PIK3R1: variants seen among roughly 807,000 people sequenced by gnomAD.
PIK3R1 encodes phosphatidylinositol 3-kinase regulatory subunit alpha.
Under a neutral mutation model 98.0 loss-of-function variants are expected in PIK3R1, and 29 were observed. That is an observed-to-expected ratio of 0.30 (90% confidence interval 0.22 to 0.40). The LOEUF is 0.40. Among genes scored for constraint, PIK3R1 ranks in the 10% least tolerant of loss-of-function variants. PIK3R1 has a pLI of 1.00. For synonymous variants in PIK3R1, 282 were observed against 311.8 expected (o/e 0.90, Z 1.01); for missense variants, 596 against 872.7 (o/e 0.68, Z 3.99).
rs946942974 is a variant in PIK3R1, at chr5:68,297,616, G to C, written c.*15G>C. The C allele has an allele frequency of 2.0e-5, 32 of 1,610,496 alleles. No individual in the cohort carries two copies. Among genetic ancestry groups the C allele is most frequent in the Non-Finnish European group, 2.5e-5 (30 of 1,177,864 alleles). ...AGAGGCGATGAAGCGCTTACTCTTT[G>C]ATCCTTCTCCTGAAGTTCAGCCACC... On this transcript the variant is annotated 3_prime_UTR_variant, in exon 16 of 16. Transcript: ENST00000521381.
intron 7 of PIK3R1, among the ~76,000 whole-genome samples, chr5:68,281,286 A>G (rs1298963553): frequency 6.6e-6 from 1 of 152,222 alleles, no homozygotes; most frequent in Non-Finnish European, 1.5e-5. Flanking sequence ...AGGTTGTTGA[A>G]GAGATTTATG....
intron 1 of PIK3R1, among the ~76,000 whole-genome samples, chr5:68,219,428 T>C (rs914666892): frequency 6.6e-6 from 1 of 152,230 alleles, no homozygotes; most frequent in Non-Finnish European, 1.5e-5. Flanking sequence ...CAGCCATTCC[T>C]TGCCTGTTGT....
chr5:68,229,686 A>T (rs1048021161), intron 2 of PIK3R1, among the ~76,000 whole-genome samples: 19 of 152,302 alleles, frequency 1.2e-4, no homozygotes, highest in African/African-American at 4.6e-4. Flanking sequence ...TTTTAAAAGG[A>T]AATTGTCCTT....
chr5:68,238,387 G>A (rs968798706), intron 2 of PIK3R1, among the ~76,000 whole-genome samples: 1 of 152,112 alleles, frequency 6.6e-6, no homozygotes, highest in African/African-American at 2.4e-5. Flanking sequence ...AGATCATACT[G>A]GAGATTTGAA....
At position 68,241,892 on chromosome 5, in the gene PIK3R1, A is replaced by G. The variant is rs78164472; in HGVS notation, c.334+14883A>G. Among the ~76,000 whole-genome samples the G allele has an allele frequency of 2.2e-4, 33 of 152,344 alleles. No homozygotes were observed. In the East Asian group the frequency reaches 6.0e-3, roughly 28 times the overall value. The stretch of plus-strand genomic sequence containing the variant: ...TTTACCCATACACCAGTTACCTTCA[A>G]ACTAATTTAAGAATCTTATAGATAT... On this transcript the variant is annotated intron_variant, in intron 2 of 15. Coordinates refer to ENST00000521381, the MANE Select transcript of PIK3R1 (RefSeq NM_181523.3).
In PIK3R1 at chr5:68,301,468, A is replaced by G. The variant is rs925636532; in HGVS notation, c.*3867A>G. ...TATATATATATATGTGTATATATAT[A>G]TGTATATACATATATGTATATATAT... is the stretch of plus-strand genomic sequence containing the variant. On this transcript the variant is annotated 3_prime_UTR_variant, in exon 16 of 16. Transcript: ENST00000521381. 2 of 137,818 alleles carry G rather than the reference A, an allele frequency of 1.5e-5. No homozygotes were observed. Among genetic ancestry groups the G allele is most frequent in the Non-Finnish European group, 3.1e-5 (2 of 65,124 alleles). 8.5% of individuals were successfully genotyped at this position (137,818 alleles called of 1,614,324 possible).
In PIK3R1 at chr5:68,300,467, A is replaced by AAGAT. The variant is rs1747978478; in HGVS notation, c.*2868_*2871dup. The AAGAT allele has an allele frequency of 8.6e-6, 2 of 233,056 alleles. No individual in the cohort carries two copies. The highest frequency in any genetic ancestry group is 8.5e-6 in the Non-Finnish European group (1 of 118,014). 14.4% of individuals were successfully genotyped at this position (233,056 alleles called of 1,614,324 possible). ...TTTTCCCACCCAGTGTAGCATCCTA[A>AAGAT]AGATAAAGCCAGAAGCTAAGCTGCA... On this transcript the variant is annotated 3_prime_UTR_variant, in exon 16 of 16. Transcript: ENST00000521381.
intron 2 of PIK3R1, among the ~76,000 whole-genome samples, chr5:68,232,336 G>C (rs1393295300): frequency 6.6e-6 from 1 of 152,138 alleles, no homozygotes. Context: ...TTAGCGATTT[G>C]TGTATCCGTG....
intron 2 of PIK3R1, among the ~76,000 whole-genome samples, chr5:68,244,509 A>G (rs1744993572): frequency 3.2e-5 from 1 of 30,978 alleles, no homozygotes; most frequent in Non-Finnish European, 5.3e-5. Flanking sequence ...CTATTTCTCT[A>G]GGACCGCCCC....
intron 2 of PIK3R1, among the ~76,000 whole-genome samples, chr5:68,255,397 G>T (rs1009834668): frequency 1.3e-5 from 2 of 152,098 alleles, no homozygotes; most frequent in Non-Finnish European, 2.9e-5. Flanking sequence ...TCATTATCTG[G>T]GTCAGCCTCC....
At chr5:68,224,686 GA>G (rs375984821) in intron 1 of PIK3R1, among the ~76,000 whole-genome samples, 93 of 152,266 alleles carry the variant, frequency 6.1e-4, no homozygotes, top group South Asian at 2.5e-3. Context: ...ATAGCCCACT[GA>G]AATTGTGTGG....
intron 2 of PIK3R1, among the ~76,000 whole-genome samples, chr5:68,266,179 AAT>A (rs1746116265): frequency 6.6e-6 from 1 of 152,166 alleles, no homozygotes; most frequent in African/African-American, 2.4e-5. Flanking sequence ...TCCTAATACT[AAT>A]CAGGGGATCC....
chr5:68,221,155 T>C (rs1744080558), intron 1 of PIK3R1, among the ~76,000 whole-genome samples: 1 of 152,378 alleles, frequency 6.6e-6, no homozygotes, highest in South Asian at 2.1e-4. Context: ...TGCCATGCTC[T>C]TGGACTTTCC....
At chr5:68,220,522 G>A (rs1335413422) in intron 1 of PIK3R1, among the ~76,000 whole-genome samples, 3 of 152,148 alleles carry the variant, frequency 2.0e-5, no homozygotes, top group African/African-American at 7.2e-5. Flanking sequence ...CCTGGGCCAG[G>A]GTCATTCCTC....
chr5:68,270,586 A>G (rs1307451290), intron 2 of PIK3R1, among the ~76,000 whole-genome samples: 1 of 152,122 alleles, frequency 6.6e-6, no homozygotes, highest in Non-Finnish European at 1.5e-5. Flanking sequence ...AGGAATTGGC[A>G]TGTTGGTTGC....
intron 2 of PIK3R1, among the ~76,000 whole-genome samples, chr5:68,260,368 T>C (rs1335560009): frequency 7.1e-6 from 1 of 141,242 alleles, no homozygotes; most frequent in East Asian, 2.1e-4. Context: ...CATGAGCTAA[T>C]TTTGCTTGGA....
chr5:68,262,287 A>G (rs1391380645), intron 2 of PIK3R1, among the ~76,000 whole-genome samples: 1 of 151,246 alleles, frequency 6.6e-6, no homozygotes, highest in Non-Finnish European at 1.5e-5. Flanking sequence ...TTAAGCAATT[A>G]TTAGAATTCA....
At chr5:68,256,497 T>TG (rs1745520653) in intron 2 of PIK3R1, among the ~76,000 whole-genome samples, 1 of 152,220 alleles carries the variant, frequency 6.6e-6, no homozygotes, top group Admixed American at 6.5e-5. Flanking sequence ...CCCAAAGTGC[T>TG]GGGATTACAG....
intron 2 of PIK3R1, among the ~76,000 whole-genome samples, chr5:68,264,428 A>C (rs545441272): frequency 6.6e-6 from 1 of 152,324 alleles, no homozygotes; most frequent in Non-Finnish European, 1.5e-5. Context: ...TGTTCTGTAA[A>C]ATCCTAGCTT....
Sources: gnomAD v4.1 joint callset for allele counts (sites outside exome capture counted in the v4.1 genomes callset) on GRCh38, gnomAD v4.1.1 for gene constraint, MANE v1.5 for transcripts, NCBI Gene and HGNC (gene_info 2026-07-23, HGNC 2026-07-21) for gene names.